Variants in TAS2R1 observed in about 807,000 individuals in gnomAD.
The protein encoded by TAS2R1 is taste receptor type 2 member 1.
For missense variants in TAS2R1, 370 were observed against 353.4 expected, an observed-to-expected ratio of 1.05 and a Z score of -0.38; for synonymous variants, 141 against 134.2, an observed-to-expected ratio of 1.05 and a Z score of -0.35.
At chr5:9,658,584 T>G (rs1740463403) in intron 2 of TAS2R1, 1 of 152,184 alleles carries the variant, frequency 6.6e-6, no homozygotes, top group Non-Finnish European at 1.5e-5. Flanking sequence ...ACACTGTAAG[T>G]GTTGCAATAA....
chr5:9,779,329 C>A, the TAS2R1 span, among the ~76,000 whole-genome samples: 7 of 152,296 alleles, frequency 4.6e-5, no homozygotes, highest in African/African-American at 1.7e-4. Flanking sequence ...TCCTATACAA[C>A]CTGCAAAACT....
At chr5:9,737,050 G>T in the TAS2R1 span, among the ~76,000 whole-genome samples, 1 of 152,126 alleles carries the variant, frequency 6.6e-6, no homozygotes, top group South Asian at 2.1e-4. Context: ...CTTTCTCATT[G>T]TGCTAAAGTC....
At chr5:9,644,467 TC>T (rs1740149919) in intron 2 of TAS2R1, among the ~76,000 whole-genome samples, 2 of 152,020 alleles carry the variant, frequency 1.3e-5, no homozygotes, top group African/African-American at 4.8e-5. Flanking sequence ...ATTGGCATTA[TC>T]CCCTGGTGAG....
intron 1 of TAS2R1, among the ~76,000 whole-genome samples, chr5:9,671,854 A>T (rs1286030780): frequency 6.6e-6 from 1 of 151,758 alleles, no homozygotes; most frequent in Non-Finnish European, 1.5e-5. Context: ...AGCAAAAAAA[A>T]TAATAATAAA....
At chr5:9,810,965 T>C in the TAS2R1 span, among the ~76,000 whole-genome samples, 1 of 152,200 alleles carries the variant, frequency 6.6e-6, no homozygotes, top group Admixed American at 6.5e-5. Context: ...CCCAAGACTA[T>C]GCCTGGTTCC....
At chr5:9,649,989 TA>T (rs1365121475) in intron 2 of TAS2R1, among the ~76,000 whole-genome samples, 9 of 152,286 alleles carry the variant, frequency 5.9e-5, no homozygotes, top group African/African-American at 1.9e-4. Flanking sequence ...CCAACTTAAT[TA>T]TAAGCAGTTT....
At chr5:9,868,574 G>A in the TAS2R1 span, among the ~76,000 whole-genome samples, 2 of 152,198 alleles carry the variant, frequency 1.3e-5, no homozygotes, top group African/African-American at 4.8e-5. Flanking sequence ...CTCAGAGCCT[G>A]TGATGGGAGG....
At chr5:9,774,791 C>T in the TAS2R1 span, among the ~76,000 whole-genome samples, 1 of 152,358 alleles carries the variant, frequency 6.6e-6, no homozygotes, top group Middle Eastern at 3.4e-3. Flanking sequence ...CAGACAAAGT[C>T]TCTCTCTGTG....
At chr5:9,647,242 G>T (rs1489895848) in intron 2 of TAS2R1, among the ~76,000 whole-genome samples, 1 of 152,144 alleles carries the variant, frequency 6.6e-6, no homozygotes, top group East Asian at 1.9e-4. Flanking sequence ...CAACAAAGAT[G>T]CATAAGACCC....
At chr5:9,685,154 A>T (rs1369391429) in intron 1 of TAS2R1, among the ~76,000 whole-genome samples, 1 of 152,228 alleles carries the variant, frequency 6.6e-6, no homozygotes, top group East Asian at 1.9e-4. Flanking sequence ...TTCAAGGGAA[A>T]GTCAAAGGGA....
the TAS2R1 span, among the ~76,000 whole-genome samples, chr5:9,799,324 C>T: frequency 6.6e-6 from 1 of 152,222 alleles, no homozygotes; most frequent in African/African-American, 2.4e-5. Flanking sequence ...ACAATTATAG[C>T]TCCTCAATCA....
At chr5:9,837,868 T>C in the TAS2R1 span, among the ~76,000 whole-genome samples, 9,039 of 152,250 alleles carry the variant, frequency 0.059, 634 homozygotes, top group East Asian at 0.23. Flanking sequence ...GAAAAGCACC[T>C]GGTATATAGT....
chr5:9,725,749 C>T, the TAS2R1 span, among the ~76,000 whole-genome samples: 1 of 138,406 alleles, frequency 7.2e-6, no homozygotes, highest in Non-Finnish European at 1.5e-5. Flanking sequence ...GCTCCACCTG[C>T]AGCTCCAGTG....
chr5:9,677,449 T>TAA (rs35909122), intron 1 of TAS2R1, among the ~76,000 whole-genome samples: 108 of 148,936 alleles, frequency 7.3e-4, no homozygotes, highest in South Asian at 1.3e-3. Context: ...AAGACAGAAT[T>TAA]AAAAAAAAAA....
At chr5:9,794,765 G>A in the TAS2R1 span, among the ~76,000 whole-genome samples, 1 of 152,090 alleles carries the variant, frequency 6.6e-6, no homozygotes, top group Admixed American at 6.5e-5. Flanking sequence ...TGGTTGTTCT[G>A]TTTTCCTTAT....
At chr5:9,827,571 T>TACACACACACACACAC in the TAS2R1 span, among the ~76,000 whole-genome samples, 10,350 of 149,248 alleles carry the variant, frequency 0.069, 817 homozygotes, top group East Asian at 0.23. Flanking sequence ...TCCATCCCTA[T>TACACACACACACACAC]ACACACACAC....
chr5:9,733,184 A>G, the TAS2R1 span, among the ~76,000 whole-genome samples: 1 of 152,240 alleles, frequency 6.6e-6, no homozygotes, highest in Non-Finnish European at 1.5e-5. Flanking sequence ...TACCAATAAT[A>G]TAACTCAGAG....
the TAS2R1 span, among the ~76,000 whole-genome samples, chr5:9,764,382 A>G: frequency 6.6e-6 from 1 of 152,208 alleles, no homozygotes; most frequent in Non-Finnish European, 1.5e-5. Context: ...TTACCCTGGG[A>G]GTATTGAGGC....
At chr5:9,802,218 TG>T in the TAS2R1 span, among the ~76,000 whole-genome samples, 1 of 152,176 alleles carries the variant, frequency 6.6e-6, no homozygotes, top group Non-Finnish European at 1.5e-5. Flanking sequence ...CTGGTATCCA[TG>T]GCTGAGAGAT....
Sources: gnomAD v4.1 joint callset for allele counts (sites outside exome capture counted in the v4.1 genomes callset) on GRCh38, gnomAD v4.1.1 for gene constraint, MANE v1.5 for transcripts, NCBI Gene and HGNC (gene_info 2026-07-23, HGNC 2026-07-21) for gene names.